SLCO6A1: variants seen among roughly 807,000 people sequenced by gnomAD.
SLCO6A1 encodes the protein solute carrier organic anion transporter family member 6A1.
A neutral mutation model predicts 72.7 loss-of-function variants in SLCO6A1; 65 were observed. The ratio of observed to expected loss-of-function variants is 0.89; its 90% CI spans 0.73 to 1.10. SLCO6A1 has a LOEUF of 1.10. Among genes scored for constraint, SLCO6A1 ranks in the 50% least tolerant of loss-of-function variants. The pLI is 0.00. For missense variants in SLCO6A1, 874 were observed against 872.6 expected, an observed-to-expected ratio of 1.00 and a Z score of -0.02; for synonymous variants, 314 against 298.2, an observed-to-expected ratio of 1.05 and a Z score of -0.55.
intron 9 of SLCO6A1, among the ~76,000 whole-genome samples, chr5:102,411,672 T>C (rs1270959610): frequency 6.6e-6 from 1 of 152,052 alleles, no homozygotes; most frequent in African/African-American, 2.4e-5. Context: ...CCATAAATTC[T>C]CATCAGATGG....
At chr5:102,465,968 C>G (rs1218843060) in intron 4 of SLCO6A1, among the ~76,000 whole-genome samples, 1 of 152,232 alleles carries the variant, frequency 6.6e-6, no homozygotes, top group Admixed American at 6.5e-5. Context: ...ATTCCTCCCC[C>G]ACCAGAAACT....
At chr5:102,419,376 C>T (rs1354389298) in intron 8 of SLCO6A1, among the ~76,000 whole-genome samples, 3 of 152,132 alleles carry the variant, frequency 2.0e-5, no homozygotes, top group Non-Finnish European at 4.4e-5. Context: ...TCAAGCTTTG[C>T]CCAATTCTTC....
chr5:102,390,508 T>C (rs1457930143), intron 11 of SLCO6A1, among the ~76,000 whole-genome samples: 1 of 152,206 alleles, frequency 6.6e-6, no homozygotes, highest in Non-Finnish European at 1.5e-5. Flanking sequence ...TAGTTTTTGC[T>C]ATTTAAGAAA....
chr5:102,498,418 C>T lies in SLCO6A1; in HGVS notation c.358+69G>A, dbSNP rs966281616. 2.1e-5 allele frequency: 31 copies of T among 1,466,326 alleles called. No homozygotes were observed. The African/African-American group carries it at 4.3e-4, about 20-fold the overall frequency. 90.8% of individuals were successfully genotyped at this position (1,466,326 alleles called of 1,614,324 possible). A position where few individuals can be genotyped will look rare whatever the true frequency, so the allele number is the denominator to read the frequency against. On this transcript the variant is annotated intron_variant, in intron 1 of 13. Coordinates refer to ENST00000506729, the MANE Select transcript of SLCO6A1 (RefSeq NM_173488.5). ...ACCCCAGGGCGTCCTCCGCCATACT[C>T]CCTCTCCCGCCTCCGCCAGTGCGGC...
chr5:102,487,128 A>G (rs1302959416), intron 1 of SLCO6A1, among the ~76,000 whole-genome samples: 1 of 152,208 alleles, frequency 6.6e-6, no homozygotes. Flanking sequence ...GAACAGTTAA[A>G]TCTAGATGAA....
At chr5:102,433,930 A>G (rs767300876) in intron 7 of SLCO6A1, among the ~76,000 whole-genome samples, 1 of 152,002 alleles carries the variant, frequency 6.6e-6, no homozygotes, top group Non-Finnish European at 1.5e-5. Context: ...TAAAATTATT[A>G]TAGTTGCACA....
At chr5:102,412,191 G>A (rs763150706) in intron 9 of SLCO6A1, among the ~76,000 whole-genome samples, 14 of 140,842 alleles carry the variant, frequency 9.9e-5, no homozygotes, top group African/African-American at 2.7e-4. Context: ...AAATTGTCCC[G>A]CCTTTCTGGA....
intron 4 of SLCO6A1, among the ~76,000 whole-genome samples, chr5:102,474,767 G>T (rs1372333414): frequency 6.6e-6 from 1 of 151,912 alleles, no homozygotes; most frequent in Non-Finnish European, 1.5e-5. Flanking sequence ...GACTTGGATT[G>T]ATAAAAGAAG....
intron 10 of SLCO6A1, among the ~76,000 whole-genome samples, chr5:102,392,304 A>G (rs1188801380): frequency 1.3e-5 from 2 of 151,964 alleles, no homozygotes; most frequent in Non-Finnish European, 2.9e-5. Flanking sequence ...AATAATTTAC[A>G]CTTTCATTAT....
intron 8 of SLCO6A1, 30 bp from the exon 9 acceptor site, chr5:102,413,173 T>C (rs750692585): frequency 6.6e-7 from 1 of 1,516,382 alleles, no homozygotes; most frequent in Non-Finnish European, 8.8e-7. Context: ...TGTAATCATA[T>C]TACCATTGTT....
chr5:102,415,529 C>G (rs1306168061), intron 8 of SLCO6A1, among the ~76,000 whole-genome samples: 4 of 152,022 alleles, frequency 2.6e-5, no homozygotes, highest in African/African-American at 9.7e-5. Flanking sequence ...AAAATGGACC[C>G]CTGTCTGTCA....
At chr5:102,401,494 G>A (rs1747396124) in intron 9 of SLCO6A1, among the ~76,000 whole-genome samples, 1 of 152,078 alleles carries the variant, frequency 6.6e-6, no homozygotes, top group South Asian at 2.1e-4. Flanking sequence ...GGTAAAAGCA[G>A]ATAAAACAGT....
Position 102,389,453 on chromosome 5 carries a change from C to CCCT in SLCO6A1, c.1880-629_1880-628insAGG, listed in dbSNP as rs1554065642. Among the ~76,000 whole-genome samples the CCCT allele has an allele frequency of 2.9e-5, 2 of 69,120 alleles. 1 individual carries two copies. The highest frequency in any genetic ancestry group is 1.4e-3 in the South Asian group (2 of 1,466). 45.3% of individuals were successfully genotyped at this position (69,120 alleles called of 152,430 possible). On this transcript the variant is annotated intron_variant, in intron 11 of 13. Transcript: ENST00000506729. ...GAACAGTCACACACCCCGCCCCCCA[C>CCCT]CCCCACACACACAGAGTTGCCCCCA...
At chr5:102,426,593 G>A (rs1337878296) in intron 7 of SLCO6A1, among the ~76,000 whole-genome samples, 1 of 152,124 alleles carries the variant, frequency 6.6e-6, no homozygotes, top group East Asian at 1.9e-4. Context: ...CAGTTAGAAA[G>A]GCAATCATTA....
intron 4 of SLCO6A1, among the ~76,000 whole-genome samples, chr5:102,475,132 A>G (rs1339433850): frequency 6.6e-6 from 1 of 152,126 alleles, no homozygotes; most frequent in Non-Finnish European, 1.5e-5. Flanking sequence ...GGATATTTGT[A>G]CACCTGTATT....
At chr5:102,385,002 C>G (rs1746329170) in intron 12 of SLCO6A1, among the ~76,000 whole-genome samples, 1 of 152,112 alleles carries the variant, frequency 6.6e-6, no homozygotes, top group Admixed American at 6.6e-5. Context: ...TCTTGTAAGT[C>G]AGGTCTAGTG....
In SLCO6A1 at chr5:102,399,578, T is replaced by C; in HGVS notation, c.1791A>G (p.Val597=). The C allele has an allele frequency of 6.3e-7, 1 of 1,576,356 alleles. No homozygotes were observed. The highest frequency in any genetic ancestry group is 1.2e-5 in the South Asian group (1 of 82,812). The change falls in exon 10 of 14, where the codon GTA becomes GTG. Residue 597 remains valine, a synonymous_variant. Transcript: ENST00000506729. ...STLIFSGFSG[V]PIVLAMTRVV... ...ACCGCGTCATGGCCAAGACGATTGG[T>C]ACACCAGAAAAACCAGAAAATATAA...
chr5:102,420,363 C>T (rs1748527715), intron 7 of SLCO6A1, among the ~76,000 whole-genome samples: 1 of 152,098 alleles, frequency 6.6e-6, no homozygotes, highest in Non-Finnish European at 1.5e-5. Flanking sequence ...AACAAGCTTC[C>T]TGGATTTATA....
intron 4 of SLCO6A1, among the ~76,000 whole-genome samples, chr5:102,472,311 T>G (rs1751669446): frequency 6.6e-6 from 1 of 152,126 alleles, no homozygotes; most frequent in Non-Finnish European, 1.5e-5. Context: ...AGAACCCAAG[T>G]GAGTTGCCAG....
Sources: gnomAD v4.1 joint callset for allele counts (sites outside exome capture counted in the v4.1 genomes callset) on GRCh38, gnomAD v4.1.1 for gene constraint, MANE v1.5 for transcripts, NCBI Gene and HGNC (gene_info 2026-07-23, HGNC 2026-07-21) for gene names.